Variants in COL26A1 observed in about 807,000 individuals in gnomAD.
COL26A1 encodes the protein collagen alpha-1(XXVI) chain.
Under a neutral mutation model 59.3 loss-of-function variants are expected in COL26A1, and 41 were observed. The ratio of observed to expected loss-of-function variants is 0.69; its 90% confidence interval spans 0.54 to 0.90. The LOEUF (loss-of-function observed/expected upper bound fraction) is 0.90, where lower values mean the gene tolerates loss of function less well. Among genes scored for constraint, COL26A1 ranks in the 40% least tolerant of loss-of-function variants. The probability of loss-of-function intolerance (pLI) is 0.00; values close to 1 mark genes in which losing one functional copy is unlikely to be tolerated. For synonymous variants in COL26A1, 266 were observed against 256.0 expected, an observed-to-expected ratio of 1.04 and a Z score of -0.37; for missense variants, 612 against 602.3, an observed-to-expected ratio of 1.02 and a Z score of -0.17.
At chr7:101,381,876 A>G (rs961155472) in intron 1 of COL26A1, among the ~76,000 whole-genome samples, 3 of 152,100 alleles carry the variant, frequency 2.0e-5, no homozygotes, top group Non-Finnish European at 4.4e-5. Context: ...ACGGAGATGA[A>G]AAGGGAAAGA....
At chr7:101,387,778 A>ATATATTTTTTT (rs773025730) in intron 1 of COL26A1, among the ~76,000 whole-genome samples, 33 of 84,804 alleles carry the variant, frequency 3.9e-4, no homozygotes, top group African/African-American at 1.5e-3. Flanking sequence ...ATATATATAT[A>ATATATTTTTTT]TTTTTTTTTA....
In COL26A1 at chr7:101,533,117, G is replaced by A. The variant is rs375444489; in HGVS notation, c.421G>A (p.Glu141Lys). 8.7e-6 allele frequency: 14 copies of A among 1,607,600 alleles called. No homozygotes were observed. The highest frequency in any genetic ancestry group is 1.2e-5 in the Non-Finnish European group (14 of 1,177,998). ...CTGCACCCGGCTCAGTGACATGAGT[G>A]AGCGACTGACCACACTGGAGGCCAA... ...MNCTRLSDMSERLTTLEAKVL... is the reference protein window; with the variant it reads ...MNCTRLSDMSKRLTTLEAKVL... Residue 141 changes from glutamate to lysine, a missense_variant, in exon 4 of 13, where the codon GAG becomes AAG. Glu to Lys is a moderately conservative substitution (Grantham distance 56). Transcript: ENST00000313669.
At chr7:101,479,528 G>C (rs1471775410) in intron 3 of COL26A1, among the ~76,000 whole-genome samples, 5 of 152,046 alleles carry the variant, frequency 3.3e-5, no homozygotes. Flanking sequence ...CCTTTTCTTT[G>C]GTTGATTATA....
intron 3 of COL26A1, among the ~76,000 whole-genome samples, chr7:101,469,495 C>CTTTT (rs36116265): frequency 0.019 from 2,726 of 145,160 alleles, 92 homozygotes; most frequent in African/African-American, 0.066. Flanking sequence ...CGATTTCTCT[C>CTTTT]TTTTTTTTTT....
At chr7:101,485,978 G>C (rs1244391326) in intron 3 of COL26A1, among the ~76,000 whole-genome samples, 2 of 152,074 alleles carry the variant, frequency 1.3e-5, no homozygotes, top group African/African-American at 4.8e-5. Context: ...TTTGAGACCA[G>C]CCTGGACAAC....
At position 101,436,966 on chromosome 7, in the gene COL26A1, G is replaced by A. The variant is rs1299687034; in HGVS notation, c.282-10718G>A. 2.0e-5 allele frequency among the ~76,000 whole-genome samples: 3 copies of A among 152,074 alleles called. No homozygotes were observed. The East Asian group carries it at 5.8e-4, about 29-fold the overall frequency. On this transcript the variant is annotated intron_variant, in intron 2 of 12. Transcript: ENST00000313669. ...TGACCTCAGGTGATCCGCCCGCCTT[G>A]ACCTCCCAAAGTGCTGGGATTACAG...
intron 4 of COL26A1, among the ~76,000 whole-genome samples, chr7:101,537,560 G>T (rs757295686): frequency 6.6e-6 from 1 of 152,196 alleles, no homozygotes; most frequent in East Asian, 1.9e-4. Flanking sequence ...GGAGGGCTGA[G>T]ACGCTGGCAG....
intron 3 of COL26A1, among the ~76,000 whole-genome samples, chr7:101,456,535 A>G (rs1161893941): frequency 6.6e-6 from 1 of 152,102 alleles, no homozygotes; most frequent in Non-Finnish European, 1.5e-5. Flanking sequence ...GTGGTGGCAC[A>G]TGCCTCTAAT....
chr7:101,404,863 C>T (rs61075866), intron 1 of COL26A1, among the ~76,000 whole-genome samples: 3,142 of 152,302 alleles, frequency 0.021, 283 homozygotes, highest in Admixed American at 0.16. Context: ...GATCATGCCA[C>T]TGCACCCCAG....
At chr7:101,475,894 T>TCTCTC (rs1794031960) in intron 3 of COL26A1, among the ~76,000 whole-genome samples, 1 of 134,784 alleles carries the variant, frequency 7.4e-6, no homozygotes, top group African/African-American at 3.0e-5. Context: ...CTCTCTTTCT[T>TCTCTC]TCTCTCTCTT....
At chr7:101,504,825 GTA>G (rs998709180) in intron 3 of COL26A1, among the ~76,000 whole-genome samples, 1 of 152,136 alleles carries the variant, frequency 6.6e-6, no homozygotes, top group African/African-American at 2.4e-5. Flanking sequence ...GTGTGTGTGT[GTA>G]TGTGTGTGTG....
chr7:101,477,848 A>T (rs1214769935), intron 3 of COL26A1, among the ~76,000 whole-genome samples: 1 of 152,056 alleles, frequency 6.6e-6, no homozygotes, highest in Admixed American at 6.6e-5. Flanking sequence ...AGATTTTCTC[A>T]GCTTTCCCTG....
chr7:101,395,851 A>T (rs1049467866), intron 1 of COL26A1, among the ~76,000 whole-genome samples: 3 of 152,090 alleles, frequency 2.0e-5, no homozygotes, highest in African/African-American at 7.2e-5. Context: ...GTATCTCTGG[A>T]GGCTGCAGCC....
chr7:101,386,262 T>TTG (rs1159541882), intron 1 of COL26A1, among the ~76,000 whole-genome samples: 3 of 144,064 alleles, frequency 2.1e-5, no homozygotes, highest in African/African-American at 8.0e-5. Flanking sequence ...AGCTTGTTTT[T>TTG]TTTTTTTTTT....
intron 1 of COL26A1, among the ~76,000 whole-genome samples, chr7:101,369,443 CTTTT>C (rs1210867917): frequency 0.017 from 1,307 of 75,886 alleles, 21 homozygotes; most frequent in African/African-American, 0.081. Flanking sequence ...TAATCTGCAT[CTTTT>C]TTTTTTTTTT....
intron 3 of COL26A1, among the ~76,000 whole-genome samples, chr7:101,486,272 A>T (rs13232774): frequency 0.52 from 74,047 of 143,640 alleles, 20,940 homozygotes; most frequent in African/African-American, 0.79. Flanking sequence ...AAGGGAACAG[A>T]CAGCGATCTT....
chr7:101,512,380 AG>A (rs548763603), intron 3 of COL26A1, among the ~76,000 whole-genome samples: 63 of 152,272 alleles, frequency 4.1e-4, no homozygotes, highest in African/African-American at 1.5e-3. Flanking sequence ...GCACTTTGGG[AG>A]GCCAAGGTGG....
At chr7:101,516,579 T>G (rs1253438648) in intron 3 of COL26A1, among the ~76,000 whole-genome samples, 1 of 152,210 alleles carries the variant, frequency 6.6e-6, no homozygotes, top group African/African-American at 2.4e-5. Flanking sequence ...TGAGATTTGC[T>G]TTTTAATATA....
intron 3 of COL26A1, among the ~76,000 whole-genome samples, chr7:101,469,532 C>T (rs1177784516): frequency 1.3e-5 from 2 of 148,680 alleles, no homozygotes; most frequent in African/African-American, 5.0e-5. Context: ...TTGCTCTTTT[C>T]GCCCTGGTGT....
Sources: allele counts gnomAD v4.1 joint callset (sites outside exome capture counted in the v4.1 genomes callset), GRCh38; gene constraint gnomAD v4.1.1; transcripts MANE v1.5; gene names NCBI Gene and HGNC (gene_info 2026-07-23, HGNC 2026-07-21).